PPWD1: variants seen among roughly 807,000 people sequenced by gnomAD.
PPWD1 encodes the protein peptidylprolyl isomerase domain and WD repeat containing 1.
In PPWD1, 43 loss-of-function variants were observed where a neutral mutation model predicts 68.8. That is an observed-to-expected ratio of 0.62 (90% CI 0.49 to 0.81). The LOEUF (loss-of-function observed/expected upper bound fraction) is 0.81, where lower values mean the gene tolerates loss of function less well. Ranked by LOEUF, PPWD1 falls within the 30% of genes least tolerant of loss-of-function variation. The pLI is 0.00. For synonymous variants in PPWD1, 232 were observed against 258.7 expected (o/e 0.90, Z 0.99); for missense variants, 672 against 804.8 (o/e 0.83, Z 2.00).
chr5:65,570,867 T>A (rs1752981500), intron 4 of PPWD1, among the ~76,000 whole-genome samples: 1 of 152,086 alleles, frequency 6.6e-6, no homozygotes, highest in Non-Finnish European at 1.5e-5. Context: ...CTGAAGACCA[T>A]GTCTCTAGAA....
intron 7 of PPWD1, among the ~76,000 whole-genome samples, chr5:65,581,762 C>T (rs995435885): frequency 2.6e-5 from 4 of 152,094 alleles, no homozygotes; most frequent in Non-Finnish European, 5.9e-5. Context: ...CAAAATAAGT[C>T]ATTCACTGTA....
In PPWD1 at chr5:65,567,572, A is replaced by C; in HGVS notation, c.256A>C (p.Ser86Arg). The C allele has an allele frequency of 6.2e-7, 1 of 1,612,476 alleles. No individual in the cohort carries two copies. Among genetic ancestry groups the C allele is most frequent in the Admixed American group, 1.7e-5 (1 of 59,986 alleles). Residue 86 changes from serine to arginine, a missense_variant, in exon 2 of 11, where the codon AGT becomes CGT. Ser to Arg is a moderately radical substitution (Grantham distance 110). Around this residue, in one of 2 missense-constraint regions of PPWD1, gnomAD observed 188 missense variants for 158.6 expected, o/e 1.19. Transcript: ENST00000261308. ...NLPSASMYERSYMHRDVITHV... is the reference protein window; with the variant it reads ...NLPSASMYERRYMHRDVITHV... ...CCCCAGTGCATCCATGTATGAGCGC[A>C]GTTACATGCATAGAGATGTTATCAC...
intron 2 of PPWD1, chr5:65,568,855 A>G (rs1053710134): frequency 1.3e-5 from 6 of 454,090 alleles, no homozygotes; most frequent in Admixed American, 9.4e-5. Flanking sequence ...CAGTATATAT[A>G]TACATATTAG....
intron 2 of PPWD1, 141 bp from the exon 3 acceptor site, chr5:65,569,491 G>A (rs773898069): frequency 8.4e-6 from 8 of 955,474 alleles, no homozygotes; most frequent in Middle Eastern, 3.4e-4. Flanking sequence ...CTGTAATATA[G>A]TGGTCTGCTT....
At chr5:65,570,518 T>A (rs1171713894) in intron 4 of PPWD1, 2 of 227,536 alleles carry the variant, frequency 8.8e-6, no homozygotes, top group Non-Finnish European at 1.5e-5. Flanking sequence ...TAAATGAATG[T>A]CAGCTTGAAA....
intron 2 of PPWD1, chr5:65,568,874 T>C (rs1204385078): frequency 1.1e-5 from 5 of 455,038 alleles, no homozygotes; most frequent in Non-Finnish European, 2.2e-5. Context: ...AGCATTGCTG[T>C]CACTCTCTTC....
intron 1 of PPWD1, among the ~76,000 whole-genome samples, chr5:65,564,336 T>G (rs1752564695): frequency 1.1e-5 from 1 of 87,286 alleles, no homozygotes; most frequent in Admixed American, 1.0e-4. Flanking sequence ...TTTTTTTTTT[T>G]TTTTTTGAGA....
chr5:65,576,453 T>A, intron 5 of PPWD1: 1 of 569,228 alleles, frequency 1.8e-6, no homozygotes, highest in Non-Finnish European at 2.2e-6. Context: ...TTCGGCTCAC[T>A]GCAGCGTCTG....
At chr5:65,565,434 TTAATA>T (rs757672383) in intron 1 of PPWD1, among the ~76,000 whole-genome samples, 2 of 152,236 alleles carry the variant, frequency 1.3e-5, no homozygotes, top group Non-Finnish European at 2.9e-5. Flanking sequence ...TCTTATAAAC[TTAATA>T]TAACGGAGAC....
intron 5 of PPWD1, among the ~76,000 whole-genome samples, chr5:65,575,028 A>G (rs906429433): frequency 6.6e-6 from 1 of 152,220 alleles, no homozygotes; most frequent in Non-Finnish European, 1.5e-5. Context: ...TCGGAATCCT[A>G]GTTTAACAGA....
chr5:65,570,384 T>A (rs1581151100), intron 4 of PPWD1: 2 of 843,624 alleles, frequency 2.4e-6, no homozygotes, highest in East Asian at 2.5e-4. Context: ...TTAAAGCTAT[T>A]TATTGGTGAC....
chr5:65,579,215 C>T (rs1753483362), intron 6 of PPWD1: 1 of 705,678 alleles, frequency 1.4e-6, no homozygotes, highest in Non-Finnish European at 1.9e-6. Context: ...CCGTGCCTGG[C>T]CTCATTTCTG....
chr5:65,567,861 T>C (rs467362), intron 2 of PPWD1: 359,975 of 563,546 alleles, frequency 0.64, 115,920 homozygotes, highest in Non-Finnish European at 0.66. Flanking sequence ...AACCAGGTAG[T>C]GTCTGAGCTT....
At chr5:65,573,347 G>A (rs1753100304) in intron 5 of PPWD1, among the ~76,000 whole-genome samples, 1 of 148,092 alleles carries the variant, frequency 6.8e-6, no homozygotes. Context: ...GCACTTGAGT[G>A]CAGTGGCATG....
In PPWD1 at chr5:65,571,841, A is replaced by G. The variant is rs1753019017; in HGVS notation, c.524A>G (p.Tyr175Cys). ...CTCTCAATTCTTTACGATTTTAGCT[A>G]TTTTCCTGGACAGTGTGAGTGGATC... is the stretch of plus-strand genomic sequence containing the variant. The part of the protein sequence containing the change: ...FDMINMLKLG[Y>C]FPGQCEWIYC... The change falls in exon 5 of 11, where the codon TAT (tyrosine) becomes TGT (cysteine). Residue 175 changes from tyrosine to cysteine, a missense_variant and splice_region_variant. Transcript: ENST00000261308. 1.9e-6 allele frequency: 3 copies of G among 1,608,582 alleles called. No individual in the cohort carries two copies. Among genetic ancestry groups the G allele is most frequent in the East Asian group, 2.2e-5 (1 of 44,764 alleles).
At chr5:65,566,052 G>A (rs1466489501) in intron 1 of PPWD1, among the ~76,000 whole-genome samples, 5 of 152,162 alleles carry the variant, frequency 3.3e-5, no homozygotes, top group Non-Finnish European at 5.9e-5. Context: ...CAGGAACTGT[G>A]TTTTACTCTT....
chr5:65,568,265 T>C (rs563639206), intron 2 of PPWD1, among the ~76,000 whole-genome samples: 1 of 152,196 alleles, frequency 6.6e-6, no homozygotes, highest in Non-Finnish European at 1.5e-5. Context: ...GTTGAGCTTA[T>C]AGTATGTCCC....
At position 65,567,887 on chromosome 5, in the gene PPWD1, T is replaced by C. The variant is rs568455402; in HGVS notation, c.299+272T>C. On this transcript the variant is annotated intron_variant, in intron 2 of 10. Coordinates refer to ENST00000261308, the MANE Select transcript of PPWD1 (RefSeq NM_015342.4). ...GTCTGAGCTTCCCTGAAGAAGAGGG[T>C]ACATTAGTTAAGATATGAGTAACTG... 1.9e-4 allele frequency: 71 copies of C among 366,520 alleles called. 1 individual carries two copies. In the South Asian group the frequency reaches 2.8e-3, roughly 15 times the overall value. 22.7% of individuals were successfully genotyped at this position (366,520 alleles called of 1,614,324 possible).
Position 65,572,080 on chromosome 5 carries a change from C to T in PPWD1, c.763C>T (p.His255Tyr), listed in dbSNP as rs113457060. The T allele has an allele frequency of 6.2e-7, 1 of 1,613,646 alleles. No homozygotes were observed. ...GMIEYWTGPP[H>Y]EYKFPKNVNW... ...GATTGAATACTGGACTGGGCCTCCT[C>T]ATGAATATAAATTCCCCAAAAATGT... Residue 255 changes from histidine (H) to tyrosine (Y), a missense_variant, in exon 5 of 11, where the codon CAT becomes TAT. This residue lies in a region of PPWD1 where 484 missense variants were observed against 646.2 expected (regional missense o/e 0.75). Coordinates refer to ENST00000261308, the MANE Select transcript of PPWD1 (RefSeq NM_015342.4).
Sources: gnomAD v4.1 joint callset for allele counts (sites outside exome capture counted in the v4.1 genomes callset) on GRCh38, gnomAD v4.1.1 for gene constraint, gnomAD v4.1.1 regional missense constraint, MANE v1.5 for transcripts, NCBI Gene and HGNC (gene_info 2026-07-23, HGNC 2026-07-21) for gene names.